The following PSAPL1 variants were observed in gnomAD, a reference collection of about 807,000 sequenced individuals.
The protein encoded by PSAPL1 is prosaposin like 1.
For missense variants in PSAPL1, 814 were observed against 688.8 expected (o/e 1.18, Z -2.03); for synonymous variants, 351 against 291.6 (o/e 1.20, Z -2.08).
rs377581924 is a variant in PSAPL1 at position 7,433,290 on chromosome 4, G to C, written c.*24C>G. On this transcript the variant is annotated 3_prime_UTR_variant, in exon 1 of 1. Coordinates refer to ENST00000319098, the MANE Select transcript of PSAPL1 (RefSeq NM_001085382.2). ...CCCACCTCATGGGCCTCGCTAGCAG[G>C]CTCTGGGTCTCTGGCAGCCACGGTC... The C allele has an allele frequency of 1.5e-6, 2 of 1,368,792 alleles. No individual in the cohort carries two copies. The highest frequency in any genetic ancestry group is 1.9e-6 in the Non-Finnish European group (2 of 1,059,134). The allele number at this position is 1,368,792 out of a possible 1,614,324, so 84.8% of individuals were successfully genotyped here. A position where few individuals can be genotyped will look rare whatever the true frequency, so the allele number is the denominator to read the frequency against.
In PSAPL1 at chr4:7,430,498, G is replaced by A. The variant is rs1366423621; in HGVS notation, c.*2816C>T. 6.6e-6 allele frequency: 1 copy of A among 152,250 alleles called. No individual in the cohort carries two copies. The highest frequency in any genetic ancestry group is 2.4e-5 in the African/African-American group (1 of 41,454). 9.4% of individuals were successfully genotyped at this position (152,250 alleles called of 1,614,324 possible). A position where few individuals can be genotyped will look rare whatever the true frequency, so the allele number is the denominator to read the frequency against. On this transcript the variant is annotated 3_prime_UTR_variant, in exon 1 of 1. Coordinates refer to ENST00000319098, the MANE Select transcript of PSAPL1 (RefSeq NM_001085382.2). Reference sequence around the variant, plus strand: ...GAAAGCCCGAGGGGCAGCATCCATAGGTGTTCTGGGACGTCCCAGGCCTCC... The same window carrying A: ...GAAAGCCCGAGGGGCAGCATCCATAAGTGTTCTGGGACGTCCCAGGCCTCC...
the PSAPL1 span, chr4:7,434,498 TG>T: frequency 1.9e-6 from 3 of 1,612,354 alleles, no homozygotes; most frequent in Non-Finnish European, 2.5e-6. Flanking sequence ...GCCGGGGCAC[TG>T]TCCGGGGCCC....
Position 7,434,534 on chromosome 4 carries a change from A to G in PSAPL1, c.346T>C (p.Ser116Pro). The change falls in exon 1 of 1, where the codon TCG (serine) becomes CCG (proline). Residue 116 changes from serine to proline, a missense_variant. Ser to Pro is a moderately conservative substitution (Grantham distance 74). Coordinates refer to ENST00000319098, the MANE Select transcript of PSAPL1 (RefSeq NM_001085382.2). ...CCACGGAGCATGCTCAGGATGGCCG[A>G]ACTGTGGGCATCCACCATCCACTTG... ...GCKWMVDAHS[S>P]AILSMLRGAP... 1 of 1,613,152 alleles carries G rather than the reference A, an allele frequency of 6.2e-7. No individual in the cohort carries two copies.
Position 7,434,676 on chromosome 4 carries a change from C to G in PSAPL1, c.204G>C (p.Gln68His), listed in dbSNP as rs193018169. Residue 68 changes from glutamine to histidine, a missense_variant, in exon 1 of 1, where the codon CAG (glutamine) becomes CAC (histidine). Transcript: ENST00000319098. The stretch of plus-strand genomic sequence containing the variant: ...CATTGCCAGCGGCGGCTGCTATGTC[C>G]TGGCATACGTCGCAGGGCAGAGACT... Reference protein sequence around the residue: ...TAKSLPCDVCQDIAAAAGNGL... With the variant: ...TAKSLPCDVCHDIAAAAGNGL... 1 of 1,612,844 alleles carries G rather than the reference C, an allele frequency of 6.2e-7. No homozygotes were observed. The highest frequency in any genetic ancestry group is 8.5e-7 in the Non-Finnish European group (1 of 1,179,554).
rs749552204 is a variant in PSAPL1 at position 7,432,628 on chromosome 4, G to A, written c.*686C>T. The A allele has an allele frequency of 6.6e-6, 1 of 152,138 alleles. No homozygotes were observed. Among genetic ancestry groups the A allele is most frequent in the Non-Finnish European group, 1.5e-5 (1 of 68,036 alleles). The allele number at this position is 152,138 out of a possible 1,614,324, so 9.4% of individuals were successfully genotyped here. A position where few individuals can be genotyped will look rare whatever the true frequency, so the allele number is the denominator to read the frequency against. ...AAGACTTTCCTTCTGCTCATTACCA[G>A]GGCAGCGGAGGGTCTGGGGTGCAAG... On this transcript the variant is annotated 3_prime_UTR_variant, in exon 1 of 1. Transcript: ENST00000319098.
chr4:7,434,614 G>A lies in PSAPL1; in HGVS notation c.266C>T (p.Ala89Val). Residue 89 changes from alanine (A) to valine (V), a missense_variant, in exon 1 of 1, where the codon GCT becomes GTT. Ala to Val is a moderately conservative substitution (Grantham distance 64). Coordinates refer to ENST00000319098, the MANE Select transcript of PSAPL1 (RefSeq NM_001085382.2). ...CCACTCACAGGTCTTCATCACCAAA[G>A]CCAGGATGTCAGACTCCGTGGCGTC... Reference protein sequence around the residue: ...NPDATESDILALVMKTCEWLP... With the variant: ...NPDATESDILVLVMKTCEWLP... 6.2e-7 allele frequency: 1 copy of A among 1,613,426 alleles called. No homozygotes were observed. The highest frequency in any genetic ancestry group is 8.5e-7 in the Non-Finnish European group (1 of 1,179,728).
In PSAPL1 at chr4:7,433,913, G is replaced by A. The variant is rs758409660; in HGVS notation, c.967C>T (p.Arg323Cys). ...GAGGCAGGCATTACCGAGCACACGC[G>A]CTCCAGGGCATGGGTGATCATGAGC... Reference protein sequence around the residue: ...SELMITHALERVCSVMPASIT... With the variant: ...SELMITHALECVCSVMPASIT... Residue 323 changes from arginine (R) to cysteine (C), a missense_variant, in exon 1 of 1, where the codon CGC becomes TGC. Transcript: ENST00000319098. 6.8e-6 allele frequency: 11 copies of A among 1,613,826 alleles called. No individual in the cohort carries two copies. The highest frequency in any genetic ancestry group is 4.4e-5 in the South Asian group (4 of 91,068).
At position 7,434,148 on chromosome 4, in the gene PSAPL1, C is replaced by T. The variant is rs182795537; in HGVS notation, c.732G>A (p.Pro244=). Residue 244 remains proline, a synonymous_variant, in exon 1 of 1, where the codon CCG becomes CCA. Transcript: ENST00000319098. ...PADQALRLLP[P]QELCRKGGFC... ...ATCCCCCCTTCCTGCAGAGCTCCTG[C>T]GGGGGGAGAAGCCTCAGTGCTTGGT... 4,322 of 1,613,754 alleles carry T rather than the reference C, an allele frequency of 2.7e-3. 17 individuals are homozygous for T. The highest frequency in any genetic ancestry group is 0.019 in the African/African-American group (1,435 of 75,044).
At position 7,430,954 on chromosome 4, in the gene PSAPL1, C is replaced by A. The variant is rs537520700; in HGVS notation, c.*2360G>T. 5.9e-5 allele frequency: 9 copies of A among 152,534 alleles called. No homozygotes were observed. The highest frequency in any genetic ancestry group is 2.6e-4 in the Admixed American group (4 of 15,308). The allele number at this position is 152,534 out of a possible 1,614,324, so 9.4% of individuals were successfully genotyped here. On this transcript the variant is annotated 3_prime_UTR_variant, in exon 1 of 1. Coordinates refer to ENST00000319098, the MANE Select transcript of PSAPL1 (RefSeq NM_001085382.2). ...TCCTCCTGCCTCTCTGCCTTTAGAC[C>A]CCAAGGCAGCCACTCCCCACGAGCA...
rs1392616807 is a variant in PSAPL1, at chr4:7,434,416, T to G, written c.464A>C (p.Lys155Thr). Residue 155 changes from lysine (K) to threonine (T), a missense_variant, in exon 1 of 1, where the codon AAA (lysine) becomes ACA (threonine). Transcript: ENST00000319098. ...RHLATLRPLSKEDTFEAVAPF... is the reference protein window; with the variant it reads ...RHLATLRPLSTEDTFEAVAPF... ...AGCCACAGCCTCAAAGGTGTCCTCT[T>G]TGGAGAGTGGCCTCAGGGTGGCCAG... is the stretch of plus-strand genomic sequence containing the variant. The G allele has an allele frequency of 6.2e-7, 1 of 1,608,678 alleles. No individual in the cohort carries two copies. The highest frequency in any genetic ancestry group is 8.5e-7 in the Non-Finnish European group (1 of 1,178,264).
In PSAPL1 at chr4:7,434,842, C is replaced by G; in HGVS notation, c.38G>C (p.Gly13Ala). 6.3e-7 allele frequency: 1 copy of G among 1,590,314 alleles called. No individual in the cohort carries two copies. The highest frequency in any genetic ancestry group is 8.6e-7 in the Non-Finnish European group (1 of 1,169,054). ...TGAGGTGGGGCTGGCCCTGGTGGCC[C>G]CCAGGAGGCTGGGCAGGAGGAGCAG... The part of the protein sequence containing the change: ...CALLLLPSLL[G>A]ATRASPTSGP... Residue 13 changes from glycine (G) to alanine (A), a missense_variant, in exon 1 of 1, where the codon GGG becomes GCG. By Grantham distance (60) the Gly-to-Ala change is moderately conservative (BLOSUM62 0). Coordinates refer to ENST00000319098, the MANE Select transcript of PSAPL1 (RefSeq NM_001085382.2).
At position 7,432,133 on chromosome 4, in the gene PSAPL1, C is replaced by G. The variant is rs990678316; in HGVS notation, c.*1181G>C. 2 of 152,362 alleles carry G rather than the reference C, an allele frequency of 1.3e-5. No individual in the cohort carries two copies. Among genetic ancestry groups the G allele is most frequent in the African/African-American group, 4.8e-5 (2 of 41,428 alleles). The allele number at this position is 152,362 out of a possible 1,614,324, so 9.4% of individuals were successfully genotyped here. On this transcript the variant is annotated 3_prime_UTR_variant, in exon 1 of 1. Coordinates refer to ENST00000319098, the MANE Select transcript of PSAPL1 (RefSeq NM_001085382.2). Reference sequence around the variant, plus strand: ...GAGCACTTGAACCCAGATGGAAACCCCCCCCGGAGGCTTTCTGCCAGAGGG... The same window carrying G: ...GAGCACTTGAACCCAGATGGAAACCGCCCCCGGAGGCTTTCTGCCAGAGGG...
In PSAPL1 at chr4:7,432,694, A is replaced by G. The variant is rs1270964753; in HGVS notation, c.*620T>C. The G allele has an allele frequency of 6.6e-6, 1 of 150,724 alleles. No homozygotes were observed. The highest frequency in any genetic ancestry group is 1.5e-5 in the Non-Finnish European group (1 of 67,974). The allele number at this position is 150,724 out of a possible 1,614,324, so 9.3% of individuals were successfully genotyped here. A position where few individuals can be genotyped will look rare whatever the true frequency, so the allele number is the denominator to read the frequency against. On this transcript the variant is annotated 3_prime_UTR_variant, in exon 1 of 1. Coordinates refer to ENST00000319098, the MANE Select transcript of PSAPL1 (RefSeq NM_001085382.2). ...TGTAGTGGCTGAGACATGGGGGGGG[A>G]CTGCTCCGAAGCCCAGCAGCCCTTG...
Position 7,433,684 on chromosome 4 carries a change from C to G in PSAPL1, c.1196G>C (p.Cys399Ser), listed in dbSNP as rs764209016. 25 of 1,612,150 alleles carry G rather than the reference C, an allele frequency of 1.6e-5. No individual in the cohort carries two copies. The highest frequency in any genetic ancestry group is 2.7e-5 in the African/African-American group (2 of 74,936). The part of the protein sequence containing the change: ...AENQGSFCNG[C>S]KRLLTVSSHN... ...GGAGGACACCGTGAGCAGCCTCTTGCACCCATTGCAGAAGCTGCCCTGGTT... is the reference window on the plus strand; with the variant it reads ...GGAGGACACCGTGAGCAGCCTCTTGGACCCATTGCAGAAGCTGCCCTGGTT... Residue 399 changes from cysteine to serine, a missense_variant, in exon 1 of 1, where the codon TGC becomes TCC. Cys to Ser is a moderately radical substitution (Grantham distance 112). Coordinates refer to ENST00000319098, the MANE Select transcript of PSAPL1 (RefSeq NM_001085382.2).
rs1038806666 is a variant in PSAPL1, at chr4:7,431,563, G to A, written c.*1751C>T. 4 of 152,336 alleles carry A rather than the reference G, an allele frequency of 2.6e-5. No individual in the cohort carries two copies. The East Asian group carries it at 5.8e-4, about 22-fold the overall frequency. The allele number at this position is 152,336 out of a possible 1,614,324, so 9.4% of individuals were successfully genotyped here. A position where few individuals can be genotyped will look rare whatever the true frequency, so the allele number is the denominator to read the frequency against. ...AGCCTCTGGGGCTGCTCCTGGAGAG[G>A]GTGGGTGGTCTCAGGGGAAGAGGCA... On this transcript the variant is annotated 3_prime_UTR_variant, in exon 1 of 1. Transcript: ENST00000319098.
Position 7,434,712 on chromosome 4 carries a change from T to A in PSAPL1, c.168A>T (p.Lys56Asn), listed in dbSNP as rs1225749926. Residue 56 changes from lysine to asparagine, a missense_variant, in exon 1 of 1, where the codon AAA (lysine) becomes AAT (asparagine). By Grantham distance (94) the Lys-to-Asn change is moderately conservative. Transcript: ENST00000319098. ...CGCAGGGCAGAGACTTCGCGGTGGGTTTGTTCCATACGGCCCCTTGGCAGT... is the reference window on the plus strand; with the variant it reads ...CGCAGGGCAGAGACTTCGCGGTGGGATTGTTCCATACGGCCCCTTGGCAGT... Reference protein sequence around the residue: ...VGYCQGAVWNKPTAKSLPCDV... With the variant: ...VGYCQGAVWNNPTAKSLPCDV... 3 of 1,612,702 alleles carry A rather than the reference T, an allele frequency of 1.9e-6. No individual in the cohort carries two copies. Among genetic ancestry groups the A allele is most frequent in the Non-Finnish European group, 2.5e-6 (3 of 1,179,534 alleles).
rs1214529239 is a variant in PSAPL1, at chr4:7,431,932, G to C, written c.*1382C>G. The C allele has an allele frequency of 6.6e-6, 1 of 152,266 alleles. No homozygotes were observed. The highest frequency in any genetic ancestry group is 1.5e-5 in the Non-Finnish European group (1 of 68,086). 9.4% of individuals were successfully genotyped at this position (152,266 alleles called of 1,614,324 possible). ...GAGGAGAATTAATCCATGGGCCTCA[G>C]GTGAAATACCAGCTTCCACCCCCGG... On this transcript the variant is annotated 3_prime_UTR_variant, in exon 1 of 1. Transcript: ENST00000319098.
rs767245257 is a variant in PSAPL1 at position 7,433,478 on chromosome 4, C to G, written c.1402G>C (p.Ala468Pro). ...AGTGGGGTCCTGGGGCCGTGGCAGG[C>G]CCCCACCTTCTTGCACACAGCCACG... ...DPVAVCKKVG[A>P]CHGPRTPLLG... The change falls in exon 1 of 1, where the codon GCC becomes CCC. Residue 468 changes from alanine (A) to proline (P), a missense_variant. Coordinates refer to ENST00000319098, the MANE Select transcript of PSAPL1 (RefSeq NM_001085382.2). 1 of 1,578,938 alleles carries G rather than the reference C, an allele frequency of 6.3e-7. No individual in the cohort carries two copies.
Position 7,433,252 on chromosome 4 carries a change from G to C in PSAPL1, c.*62C>G. On this transcript the variant is annotated 3_prime_UTR_variant, in exon 1 of 1. Coordinates refer to ENST00000319098, the MANE Select transcript of PSAPL1 (RefSeq NM_001085382.2). ...TTCAGTTTTTCATTTGTGAAATGGGGATGGGGAAAGCACCCACCTCATGGG... is the reference window on the plus strand; with the variant it reads ...TTCAGTTTTTCATTTGTGAAATGGGCATGGGGAAAGCACCCACCTCATGGG... 1 of 1,316,746 alleles carries C rather than the reference G, an allele frequency of 7.6e-7. No homozygotes were observed. Among genetic ancestry groups the C allele is most frequent in the Non-Finnish European group, 9.7e-7 (1 of 1,032,538 alleles). 81.6% of individuals were successfully genotyped at this position (1,316,746 alleles called of 1,614,324 possible).
Sources: allele counts gnomAD v4.1 joint callset, GRCh38; gene constraint gnomAD v4.1.1; transcripts MANE v1.5; gene names NCBI Gene and HGNC (gene_info 2026-07-23, HGNC 2026-07-21).